WT1: variants seen among roughly 807,000 people sequenced by gnomAD.
WT1 encodes the protein WT1 transcription factor.
Under a neutral mutation model 60.8 loss-of-function variants are expected in WT1, and 8 were observed. The observed-to-expected ratio is 0.13, with a 90% CI of 0.08 to 0.24. The LOEUF (loss-of-function observed/expected upper bound fraction) is 0.24, where lower values mean the gene tolerates loss of function less well. Among genes scored for constraint, WT1 ranks in the 10% least tolerant of loss-of-function variants. The pLI, the probability that WT1 is intolerant of heterozygous loss-of-function variation, is 1.00. For missense variants in WT1, 568 were observed against 711.8 expected (o/e 0.80, Z 2.30); for synonymous variants, 312 against 297.1 (o/e 1.05, Z -0.52).
Position 32,388,073 on chromosome 11 carries a change from A to G in WT1, c.*985T>C, listed in dbSNP as rs1851709999. The G allele has an allele frequency of 4.3e-6, 1 of 230,944 alleles. No individual in the cohort carries two copies. Among genetic ancestry groups the G allele is most frequent in the African/African-American group, 2.2e-5 (1 of 45,000 alleles). 14.3% of individuals were successfully genotyped at this position (230,944 alleles called of 1,614,324 possible). A position where few individuals can be genotyped will look rare whatever the true frequency, so the allele number is the denominator to read the frequency against. Reference sequence around the variant, plus strand: ...AAACAATGGATTTCCTCACCCAGTAAGTCTCATTTTTTTCACATATACTTG... The same window carrying G: ...AAACAATGGATTTCCTCACCCAGTAGGTCTCATTTTTTTCACATATACTTG... On this transcript the variant is annotated 3_prime_UTR_variant, in exon 10 of 10. Transcript: ENST00000452863.
intron 1 of WT1, among the ~76,000 whole-genome samples, chr11:32,429,226 C>T (rs370493051): frequency 6.6e-6 from 1 of 152,228 alleles, no homozygotes; most frequent in Non-Finnish European, 1.5e-5. Flanking sequence ...AAAACAAGGG[C>T]CCCTTCCAGT....
In WT1 at chr11:32,388,755, T is replaced by C. The variant is rs1190909350; in HGVS notation, c.*303A>G. The C allele has an allele frequency of 2.1e-6, 1 of 476,742 alleles. No homozygotes were observed. The highest frequency in any genetic ancestry group is 3.8e-6 in the Non-Finnish European group (1 of 261,542). 29.5% of individuals were successfully genotyped at this position (476,742 alleles called of 1,614,324 possible). ...AAAGAAGGGAAGGGTCAGGGGGACA[T>C]GATCAGCTATGGCTCTTCTTACAGT... On this transcript the variant is annotated 3_prime_UTR_variant, in exon 10 of 10. Transcript: ENST00000452863.
intron 7 of WT1, among the ~76,000 whole-genome samples, chr11:32,395,477 C>CTT (rs757435741): frequency 7.6e-5 from 11 of 143,826 alleles, no homozygotes; most frequent in South Asian, 4.4e-4. Flanking sequence ...TCTCTCTCTC[C>CTT]TTTTTTTTTT....
Position 32,388,084 on chromosome 11 carries a change from T to G in WT1, c.*974A>C, listed in dbSNP as rs1292340190. On this transcript the variant is annotated 3_prime_UTR_variant, in exon 10 of 10. Transcript: ENST00000452863. Reference sequence around the variant, plus strand: ...TTCCTCACCCAGTAAGTCTCATTTTTTTCACATATACTTGTAGACCCAAAG... The same window carrying G: ...TTCCTCACCCAGTAAGTCTCATTTTGTTCACATATACTTGTAGACCCAAAG... 1 of 236,712 alleles carries G rather than the reference T, an allele frequency of 4.2e-6. No individual in the cohort carries two copies. The highest frequency in any genetic ancestry group is 2.2e-5 in the African/African-American group (1 of 45,314). The allele number at this position is 236,712 out of a possible 1,614,324, so 14.7% of individuals were successfully genotyped here. A position where few individuals can be genotyped will look rare whatever the true frequency, so the allele number is the denominator to read the frequency against.
rs1484892213 is a variant in WT1, at chr11:32,428,036, C to T, written c.807G>A (p.Pro269=). Residue 269 remains proline (P), a synonymous_variant, in exon 3 of 10, where the codon CCG becomes CCA. Transcript: ENST00000452863. ...GGGTGTGGCAGCCATAGACCGGGGG[C>T]GGCACCGAGTACTGCTGCTCACCTG... The T allele has an allele frequency of 6.2e-7, 1 of 1,608,692 alleles. No individual in the cohort carries two copies. The highest frequency in any genetic ancestry group is 1.1e-5 in the South Asian group (1 of 90,528).
intron 9 of WT1, among the ~76,000 whole-genome samples, chr11:32,390,743 G>A (rs893374778): frequency 1.3e-5 from 2 of 152,118 alleles, no homozygotes; most frequent in African/African-American, 4.8e-5. Context: ...GTGGTGTTCA[G>A]CTTTGCTGAC....
chr11:32,429,972 C>T (rs1050683808), intron 1 of WT1, among the ~76,000 whole-genome samples: 5 of 132,796 alleles, frequency 3.8e-5, no homozygotes, highest in African/African-American at 9.8e-5. Flanking sequence ...CACCACCCCC[C>T]GCCCAGAAAA....
intron 5 of WT1, among the ~76,000 whole-genome samples, chr11:32,412,090 T>A (rs1431474176): frequency 1.3e-5 from 2 of 152,128 alleles, no homozygotes; most frequent in Non-Finnish European, 2.9e-5. Flanking sequence ...GACGGATACC[T>A]TATGTTCACG....
intron 5 of WT1, among the ~76,000 whole-genome samples, chr11:32,406,579 A>G (rs1852317605): frequency 6.6e-6 from 1 of 151,996 alleles, no homozygotes; most frequent in African/African-American, 2.4e-5. Context: ...ACTGATGGAA[A>G]TGGCTGCTTA....
chr11:32,433,048 A>C (rs1319889578), intron 1 of WT1, among the ~76,000 whole-genome samples: 3 of 152,134 alleles, frequency 2.0e-5, no homozygotes, highest in African/African-American at 7.2e-5. Context: ...TTCTGCATCT[A>C]TGGAGTATAA....
chr11:32,396,221 C>A (rs2132938697), intron 7 of WT1, 36 bp downstream of exon 7: 1 of 1,613,902 alleles, frequency 6.2e-7, no homozygotes, highest in Middle Eastern at 1.7e-4. Context: ...GCTCTTGAAC[C>A]ATGTTTGCCC....
chr11:32,433,746 C>G (rs1853387351), intron 1 of WT1, among the ~76,000 whole-genome samples: 1 of 152,232 alleles, frequency 6.6e-6, no homozygotes, highest in Non-Finnish European at 1.5e-5. Context: ...CGGGCATCGG[C>G]GCGGGATGAG....
At chr11:32,428,354 T>A in intron 2 of WT1, 143 bp downstream of exon 2, 1 of 1,421,416 alleles carries the variant, frequency 7.0e-7, no homozygotes, top group East Asian at 2.5e-5. Flanking sequence ...GTCCTTTAAA[T>A]ACAGTGCCAT....
intron 5 of WT1, among the ~76,000 whole-genome samples, chr11:32,411,170 T>A (rs1162881112): frequency 6.6e-6 from 1 of 152,034 alleles, no homozygotes; most frequent in African/African-American, 2.4e-5. Context: ...CTTGGCCCCT[T>A]CTCCATCCCA....
At chr11:32,391,586 A>G (rs1851819180) in intron 9 of WT1, among the ~76,000 whole-genome samples, 1 of 152,226 alleles carries the variant, frequency 6.6e-6, no homozygotes, top group Non-Finnish European at 1.5e-5. Flanking sequence ...GTGCCATTAA[A>G]CATGTGCTCT....
chr11:32,415,254 G>C (rs1206252140), intron 5 of WT1, among the ~76,000 whole-genome samples: 1 of 152,132 alleles, frequency 6.6e-6, no homozygotes, highest in Non-Finnish European at 1.5e-5. Context: ...ATTTAGCTTG[G>C]GGAAGGTTAT....
intron 3 of WT1, among the ~76,000 whole-genome samples, chr11:32,424,462 C>A (rs143405191): frequency 6.6e-6 from 1 of 152,262 alleles, no homozygotes; most frequent in Non-Finnish European, 1.5e-5. Flanking sequence ...AGTCAGCATG[C>A]AATAAATTCC....
chr11:32,402,761 G>A (rs748419839), intron 5 of WT1, among the ~76,000 whole-genome samples: 1 of 152,162 alleles, frequency 6.6e-6, no homozygotes, highest in Non-Finnish European at 1.5e-5. Context: ...GTCCTCCATA[G>A]GATGGTCTCA....
At chr11:32,430,486 G>GAGAGAGAGAGAGAGAGACAGAGAC (rs761622301) in intron 1 of WT1, 1 of 1,570,744 alleles carries the variant, frequency 6.4e-7, no homozygotes, top group African/African-American at 1.5e-5. Flanking sequence ...GAGAGAGAGA[G>GAGAGAGAGAGAGAGAGACAGAGAC]AGAGACGAAA....
Sources: gnomAD v4.1 joint callset for allele counts (sites outside exome capture counted in the v4.1 genomes callset) on GRCh38, gnomAD v4.1.1 for gene constraint, MANE v1.5 for transcripts, NCBI Gene and HGNC (gene_info 2026-07-23, HGNC 2026-07-21) for gene names.